Variants in NUCB1 observed in about 807,000 individuals in gnomAD.
The protein encoded by NUCB1 is nucleobindin 1, also known as nucleobindin-1.
NUCB1 carries 47 observed loss-of-function variants against 61.2 expected under a neutral mutation model. The ratio of observed to expected loss-of-function variants is 0.77; its 90% CI spans 0.61 to 0.98. The LOEUF (loss-of-function observed/expected upper bound fraction) is 0.98, where lower values mean the gene tolerates loss of function less well. Among genes scored for constraint, NUCB1 ranks in the 50% least tolerant of loss-of-function variants. The pLI, the probability that NUCB1 is intolerant of heterozygous loss-of-function variation, is 0.00. For synonymous variants in NUCB1, 234 were observed against 243.1 expected (o/e 0.96, Z 0.35); for missense variants, 583 against 605.3 (o/e 0.96, Z 0.39).
chr19:48,915,203 G>C, intron 7 of NUCB1, among the ~76,000 whole-genome samples: 1 of 152,200 alleles, frequency 6.6e-6, no homozygotes, highest in East Asian at 1.9e-4. Context: ...TCTAGGCCGG[G>C]TGTGGTGGCT....
chr19:48,917,326 A>T (rs1199660542), intron 7 of NUCB1, among the ~76,000 whole-genome samples: 2 of 151,532 alleles, frequency 1.3e-5, no homozygotes, highest in East Asian at 3.9e-4. Flanking sequence ...TTTATTTTTC[A>T]TTTTTTTTAT....
chr19:48,908,695 G>GTGTGTC (rs1269071160), intron 4 of NUCB1, among the ~76,000 whole-genome samples: 4 of 138,398 alleles, frequency 2.9e-5, no homozygotes, highest in Admixed American at 7.4e-5. Flanking sequence ...GTGTGTGTGT[G>GTGTGTC]TGTCTTTCTG....
intron 2 of NUCB1, among the ~76,000 whole-genome samples, chr19:48,902,756 G>A (rs779700641): frequency 4.6e-5 from 7 of 151,868 alleles, no homozygotes; most frequent in Non-Finnish European, 1.0e-4. Context: ...GGAAGTGAGG[G>A]GAAGAGCATT....
chr19:48,901,646 C>T (rs1194549435), intron 2 of NUCB1, among the ~76,000 whole-genome samples: 1 of 152,222 alleles, frequency 6.6e-6, no homozygotes, highest in African/African-American at 2.4e-5. Flanking sequence ...CGCCTATAAT[C>T]CCAGCTACTC....
At chr19:48,911,363 A>G in intron 5 of NUCB1, 111 bp downstream of exon 5, 2 of 668,316 alleles carry the variant, frequency 3.0e-6, no homozygotes, top group Non-Finnish European at 2.7e-6. Flanking sequence ...GTGTTCTCTG[A>G]GGTTGGAGGC....
intron 7 of NUCB1, among the ~76,000 whole-genome samples, chr19:48,916,726 G>A (rs1285656291): frequency 6.6e-6 from 1 of 152,062 alleles, no homozygotes; most frequent in Non-Finnish European, 1.5e-5. Context: ...GACCATCCTG[G>A]CCAACATAGT....
chr19:48,901,147 A>T, intron 2 of NUCB1: 1 of 620,014 alleles, frequency 1.6e-6, no homozygotes, highest in Non-Finnish European at 2.9e-6. Flanking sequence ...ATCACGCCCC[A>T]ACTAAACGTC....
intron 1 of NUCB1, 43 bp downstream of exon 1, chr19:48,900,415 TG>T (rs2037341408): frequency 4.2e-6 from 1 of 240,608 alleles, no homozygotes; most frequent in Non-Finnish European, 8.2e-6. Flanking sequence ...CTAGGGAGGA[TG>T]GGGGCCAGAG....
chr19:48,913,264 T>C (rs2037499890), intron 6 of NUCB1, 68 bp downstream of exon 6: 1 of 1,492,288 alleles, frequency 6.7e-7, no homozygotes, highest in Non-Finnish European at 9.0e-7. Context: ...AAGAAAGCAG[T>C]TAAAGAACTA....
At chr19:48,915,371 A>G (rs1400918721) in intron 7 of NUCB1, among the ~76,000 whole-genome samples, 3 of 150,164 alleles carry the variant, frequency 2.0e-5, no homozygotes, top group Non-Finnish European at 4.4e-5. Context: ...GGTAGTGCTC[A>G]CCTATAGTCC....
At chr19:48,914,716 G>T (rs2037520134) in intron 7 of NUCB1, among the ~76,000 whole-genome samples, 2 of 152,102 alleles carry the variant, frequency 1.3e-5, no homozygotes, top group Admixed American at 1.3e-4. Context: ...GTAGGCCAAG[G>T]TGGAAGATGG....
intron 5 of NUCB1, among the ~76,000 whole-genome samples, chr19:48,911,485 A>G (rs1426437549): frequency 1.3e-5 from 2 of 148,208 alleles, no homozygotes; most frequent in African/African-American, 5.0e-5. Context: ...GGCTCACTGC[A>G]ACCTCCGCCT....
chr19:48,912,459 T>G (rs574573430), intron 5 of NUCB1, among the ~76,000 whole-genome samples: 21 of 152,196 alleles, frequency 1.4e-4, no homozygotes, highest in Admixed American at 3.9e-4. Flanking sequence ...GGGTTGAAGT[T>G]GCTATTGTAT....
rs2037493917 is a variant in NUCB1 at position 48,913,001 on chromosome 19, C to A, written c.481-10C>A. ...GGGGCAGAGGGGAATGACCCTGTGC[C>A]TTTCCCCAGGCCACCCGGGACCTTG... On this transcript the variant is annotated splice_polypyrimidine_tract_variant and intron_variant, in intron 5 of 12. Transcript: ENST00000405315. 1 of 1,598,684 alleles carries A rather than the reference C, an allele frequency of 6.3e-7. No individual in the cohort carries two copies. Among genetic ancestry groups the A allele is most frequent in the Non-Finnish European group, 8.5e-7 (1 of 1,171,948 alleles).
At chr19:48,902,438 T>TTTTTTTTTTTTG (rs374146313) in intron 2 of NUCB1, among the ~76,000 whole-genome samples, 1 of 138,692 alleles carries the variant, frequency 7.2e-6, no homozygotes, top group Non-Finnish European at 1.5e-5. Flanking sequence ...TTTTTTTTTT[T>TTTTTTTTTTTTG]ATTTTTGCTG....
At chr19:48,921,033 C>A in intron 10 of NUCB1, 121 bp from the exon 11 acceptor site, 1 of 1,092,982 alleles carries the variant, frequency 9.1e-7, no homozygotes, top group Non-Finnish European at 1.3e-6. Flanking sequence ...CTTCTTTGCC[C>A]ACCCACATGG....
Position 48,900,913 on chromosome 19 carries a change from C to G in NUCB1, c.117C>G (p.Thr39=). 1.9e-6 allele frequency: 3 copies of G among 1,613,906 alleles called. No individual in the cohort carries two copies. The highest frequency in any genetic ancestry group is 2.5e-6 in the Non-Finnish European group (3 of 1,180,038). Residue 39 remains threonine, a synonymous_variant, in exon 2 of 13, where the codon ACC becomes ACG. Coordinates refer to ENST00000405315, the MANE Select transcript of NUCB1 (RefSeq NM_006184.6). The part of the protein sequence containing the change: ...LERGAPNKEE[T]PATESPDTGL... ...GAGGGGCGCCCAACAAGGAGGAGACCCCTGCGACTGAGAGTCCCGTGAGTG... is the reference window on the plus strand; with the variant it reads ...GAGGGGCGCCCAACAAGGAGGAGACGCCTGCGACTGAGAGTCCCGTGAGTG...
rs749236998 is a variant in NUCB1, at chr19:48,900,833, TTGC to T, written c.38_40del (p.Leu13_Pro14delinsSer). The T allele has an allele frequency of 1.2e-4, 187 of 1,613,980 alleles. 2 individuals are homozygous for T. The East Asian group carries it at 3.2e-3, about 27-fold the overall frequency. ...TGGGCCCCGAGGAACCCTCCTTCTG[TTGC>T]CGCTGCTGCTGCTGCTCCTGCTTCG... On this transcript the variant is annotated inframe_deletion, in exon 2 of 13. Transcript: ENST00000405315.
chr19:48,908,721 GGTGTGTGTGTGTGTGTGT>G (rs57686025), intron 4 of NUCB1, among the ~76,000 whole-genome samples: 25 of 109,366 alleles, frequency 2.3e-4, no homozygotes, highest in African/African-American at 5.8e-4. Context: ...TTGACCAAGG[GGTGTGTGTGTGTGTGTGT>G]GTGTGTGTGT....
Sources: gnomAD v4.1 joint callset for allele counts (sites outside exome capture counted in the v4.1 genomes callset) on GRCh38, gnomAD v4.1.1 for gene constraint, MANE v1.5 for transcripts, NCBI Gene and HGNC (gene_info 2026-07-23, HGNC 2026-07-21) for gene names.